Variants in SMC2 observed in about 807,000 individuals in gnomAD.
SMC2 encodes the protein structural maintenance of chromosomes 2, also known as structural maintenance of chromosomes protein 2.
A neutral mutation model predicts 142.6 loss-of-function variants in SMC2; 41 were observed. The observed-to-expected ratio is 0.29, with a 90% CI of 0.22 to 0.37. The LOEUF (loss-of-function observed/expected upper bound fraction) is 0.37. Ranked by LOEUF, SMC2 falls within the 10% of genes least tolerant of loss-of-function variation. SMC2 has a pLI of 1.00. For missense variants in SMC2, 1,265 were observed against 1,373.7 expected (o/e 0.92, Z 1.25); for synonymous variants, 463 against 457.5 (o/e 1.01, Z -0.15).
At chr9:104,119,404 A>G (rs1833484026) in intron 15 of SMC2, among the ~76,000 whole-genome samples, 1 of 152,166 alleles carries the variant, frequency 6.6e-6, no homozygotes, top group Non-Finnish European at 1.5e-5. Context: ...TTGTCAACAT[A>G]ATACCTCAAC....
At chr9:104,096,409 C>T in intron 3 of SMC2, 112 bp downstream of exon 3, 2 of 946,662 alleles carry the variant, frequency 2.1e-6, no homozygotes, top group Middle Eastern at 2.3e-4. Flanking sequence ...AAAATTGGTG[C>T]CTTAAATTCT....
At chr9:104,125,375 C>T (rs936638346) in intron 18 of SMC2, among the ~76,000 whole-genome samples, 2 of 152,000 alleles carry the variant, frequency 1.3e-5, no homozygotes, top group Non-Finnish European at 1.5e-5. Context: ...TTGGGATACT[C>T]AGTTACTCTG....
chr9:104,107,087 C>A (rs755172237), intron 9 of SMC2, among the ~76,000 whole-genome samples: 1 of 152,122 alleles, frequency 6.6e-6, no homozygotes, highest in South Asian at 2.1e-4. Flanking sequence ...TTTCATGAAG[C>A]CTGCTGGTCC....
chr9:104,111,702 A>G lies in SMC2; in HGVS notation c.1142A>G (p.Asn381Ser), dbSNP rs773800424. ...CTGGCAGCTGCACAGCAGCACTTCA[A>G]TGCTGTTTCCGCTGGCCTGTCCAGT... ...EALAAAQQHF[N>S]AVSAGLSSNE... Residue 381 changes from asparagine to serine, a missense_variant, in exon 10 of 25, where the codon AAT (asparagine) becomes AGT (serine). Physicochemically the swap from Asn to Ser is conservative, Grantham distance 46. Transcript: ENST00000374793. 6 of 1,614,056 alleles carry G rather than the reference A, an allele frequency of 3.7e-6. No homozygotes were observed. Among genetic ancestry groups the G allele is most frequent in the Middle Eastern group, 1.6e-4 (1 of 6,062 alleles).
rs563142866 is a variant in SMC2, at chr9:104,132,356, G to A, written c.3108+231G>A. On this transcript the variant is annotated intron_variant, in intron 22 of 24. Coordinates refer to ENST00000374793, the MANE Select transcript of SMC2 (RefSeq NM_006444.3). ...AAGAATTGGATAGTAAACAAGCCAA[G>A]TTTAGTATTCTCTTTTACAGGATGC... Among the ~76,000 whole-genome samples, 8 of 152,212 alleles carry A rather than the reference G, an allele frequency of 5.3e-5. No homozygotes were observed. The East Asian group carries it at 1.4e-3, about 26-fold the overall frequency.
intron 12 of SMC2, 114 bp from the exon 13 acceptor site, chr9:104,114,577 G>C: frequency 2.1e-6 from 2 of 955,472 alleles, no homozygotes; most frequent in Middle Eastern, 2.9e-4. Flanking sequence ...CCATTTTGCT[G>C]ATTCTACTTT....
intron 13 of SMC2, 100 bp downstream of exon 13, chr9:104,114,929 C>T: frequency 1.1e-6 from 1 of 910,934 alleles, no homozygotes; most frequent in Non-Finnish European, 1.6e-6. Context: ...AGGCTCTCCC[C>T]TAAGGTGACT....
At chr9:104,114,974 T>G in intron 13 of SMC2, 145 bp downstream of exon 13, 1 of 552,382 alleles carries the variant, frequency 1.8e-6, no homozygotes. Flanking sequence ...TTCATAACTT[T>G]TTGATAACTA....
In SMC2 at chr9:104,126,648, A is replaced by G; in HGVS notation, c.2459A>G (p.Glu820Gly). The G allele has an allele frequency of 1.2e-6, 2 of 1,605,544 alleles. No individual in the cohort carries two copies. Among genetic ancestry groups the G allele is most frequent in the Non-Finnish European group, 1.7e-6 (2 of 1,178,076 alleles). The change falls in exon 19 of 25, where the codon GAA (glutamate) becomes GGA (glycine). Residue 820 changes from glutamate (E) to glycine (G), a missense_variant. Around this residue, in one of 4 missense-constraint regions of SMC2, gnomAD observed 898 missense variants for 904.2 expected, o/e 0.99. Coordinates refer to ENST00000374793, the MANE Select transcript of SMC2 (RefSeq NM_006444.3). The stretch of plus-strand genomic sequence containing the variant: ...ATACTGTATTTTTTATAGGAAGTTG[A>G]AGCTATCACTCTGGAACTGGAAGAG... ...KKMKEKQQEVEAITLELEELK... is the reference protein window; with the variant it reads ...KKMKEKQQEVGAITLELEELK...
intron 12 of SMC2, 90 bp from the exon 13 acceptor site, chr9:104,114,601 T>C: frequency 1.8e-6 from 2 of 1,126,750 alleles, no homozygotes; most frequent in Non-Finnish European, 2.5e-6. Context: ...TTCACTTTAA[T>C]GTGTTGTCCA....
chr9:104,106,148 C>T (rs1411920599), intron 9 of SMC2, among the ~76,000 whole-genome samples: 2 of 152,140 alleles, frequency 1.3e-5, no homozygotes. Flanking sequence ...TTCAGTGGCT[C>T]CATTGGCCTG....
chr9:104,093,396 G>C (rs1050951999), upstream of SMC2, among the ~76,000 whole-genome samples: 4 of 151,734 alleles, frequency 2.6e-5, no homozygotes, highest in Non-Finnish European at 5.9e-5. Context: ...GAGCTAGACC[G>C]CCTGGGAACA....
intron 3 of SMC2, 64 bp downstream of exon 3, chr9:104,096,361 T>G: frequency 6.6e-7 from 1 of 1,505,904 alleles, no homozygotes; most frequent in Non-Finnish European, 9.1e-7. Flanking sequence ...TTTTTGGCCC[T>G]ATGCCTTTGC....
chr9:104,096,585 G>T (rs1400418878), intron 3 of SMC2, among the ~76,000 whole-genome samples: 1 of 152,238 alleles, frequency 6.6e-6, no homozygotes, highest in African/African-American at 2.4e-5. Context: ...TTGAACACCT[G>T]TGTACTTGAG....
Position 104,114,762 on chromosome 9 carries a change from C to T in SMC2, c.1604C>T (p.Thr535Ile). 6.2e-7 allele frequency: 1 copy of T among 1,612,898 alleles called. No homozygotes were observed. Among genetic ancestry groups the T allele is most frequent in the East Asian group, 2.2e-5 (1 of 44,794 alleles). The part of the protein sequence containing the change: ...LVASLISVKD[T>I]SATTALELVA... ...GCTTCTCTGATTAGTGTGAAAGACA[C>T]TTCTGCAACCACAGCTTTAGAATTA... Residue 535 changes from threonine to isoleucine, a missense_variant, in exon 13 of 25, where the codon ACT becomes ATT. This residue lies in a region of SMC2 where 898 missense variants were observed against 904.2 expected (regional missense o/e 0.99). Transcript: ENST00000374793.
rs16923734 is a variant in SMC2, at chr9:104,129,899, C to T, written c.2991+54C>T. ...CGCATTAGAACATGACTAGCATTGACAGCTCTGTATGACCTCTGATGCAAT... is the reference window on the plus strand; with the variant it reads ...CGCATTAGAACATGACTAGCATTGATAGCTCTGTATGACCTCTGATGCAAT... On this transcript the variant is annotated intron_variant, in intron 21 of 24. Coordinates refer to ENST00000374793, the MANE Select transcript of SMC2 (RefSeq NM_006444.3). 0.018 allele frequency: 23,806 copies of T among 1,341,644 alleles called. 1,253 individuals carry two copies. The African/African-American group carries it at 0.18, about 10-fold the overall frequency. 83.1% of individuals were successfully genotyped at this position (1,341,644 alleles called of 1,614,324 possible).
chr9:104,112,737 T>G (rs1230985403), intron 10 of SMC2, among the ~76,000 whole-genome samples: 3 of 152,262 alleles, frequency 2.0e-5, no homozygotes, highest in Non-Finnish European at 2.9e-5. Flanking sequence ...AGAATACTAG[T>G]TCATAGTTTT....
Position 104,132,058 on chromosome 9 carries a change from A to T in SMC2, c.3041A>T (p.Lys1014Ile). Reference protein sequence around the residue: ...KKRIVENDKSKILTTIEDLDQ... With the variant: ...KKRIVENDKSIILTTIEDLDQ... ...AGAATTGTAGAAAATGACAAATCCA[A>T]AATTCTTACAACTATAGAAGACCTT... The change falls in exon 22 of 25, where the codon AAA (lysine) becomes ATA (isoleucine). Residue 1014 changes from lysine (K) to isoleucine (I), a missense_variant. Transcript: ENST00000374793. The T allele has an allele frequency of 6.2e-7, 1 of 1,602,546 alleles. No individual in the cohort carries two copies. The highest frequency in any genetic ancestry group is 8.5e-7 in the Non-Finnish European group (1 of 1,174,040).
chr9:104,139,405 T>C lies in SMC2; in HGVS notation c.*90T>C. 2.9e-6 allele frequency: 3 copies of C among 1,047,984 alleles called. No individual in the cohort carries two copies. Among genetic ancestry groups the C allele is most frequent in the Non-Finnish European group, 4.1e-6 (3 of 729,816 alleles). 64.9% of individuals were successfully genotyped at this position (1,047,984 alleles called of 1,614,324 possible). A position where few individuals can be genotyped will look rare whatever the true frequency, so the allele number is the denominator to read the frequency against. ...AACTAATTTGTTTATATACAAAAAT[T>C]AATGTTACTGTGTTACTTAACCCAT... On this transcript the variant is annotated 3_prime_UTR_variant, in exon 25 of 25. Coordinates refer to ENST00000374793, the MANE Select transcript of SMC2 (RefSeq NM_006444.3).
Sources: gnomAD v4.1 joint callset for allele counts (sites outside exome capture counted in the v4.1 genomes callset) on GRCh38, gnomAD v4.1.1 for gene constraint, gnomAD v4.1.1 regional missense constraint, MANE v1.5 for transcripts, NCBI Gene and HGNC (gene_info 2026-07-23, HGNC 2026-07-21) for gene names.